The following GALNT2 variants were observed in gnomAD, a reference collection of about 807,000 sequenced individuals.
GALNT2 encodes polypeptide N-acetylgalactosaminyltransferase 2, also known as UDP-GalNAc:polypeptide N-acetylgalactosaminyltransferase 2.
GALNT2 carries 31 observed loss-of-function variants against 81.4 expected under a neutral mutation model. The observed-to-expected ratio is 0.38, with a 90% CI of 0.29 to 0.51. The LOEUF (loss-of-function observed/expected upper bound fraction) is 0.51. Among genes scored for constraint, GALNT2 ranks in the 20% least tolerant of loss-of-function variants. The pLI, the probability that GALNT2 is intolerant of heterozygous loss-of-function variation, is 0.87. For missense variants in GALNT2, 629 were observed against 765.7 expected, an observed-to-expected ratio of 0.82 and a Z score of 2.11; for synonymous variants, 303 against 287.4, an observed-to-expected ratio of 1.05 and a Z score of -0.55.
chr1:230,264,285 A>G (rs560416834), intron 13 of GALNT2: 22 of 152,332 alleles, frequency 1.4e-4, no homozygotes, highest in African/African-American at 5.3e-4. Flanking sequence ...TATACAACAG[A>G]TTCTTGACTG....
At chr1:230,099,107 G>A (rs769149487) in intron 1 of GALNT2, among the ~76,000 whole-genome samples, 1 of 152,206 alleles carries the variant, frequency 6.6e-6, no homozygotes, top group African/African-American at 2.4e-5. Context: ...GCCCTCCCTA[G>A]TCTCCTCTGT....
At chr1:230,181,014 T>A (rs1663141991) in intron 2 of GALNT2, among the ~76,000 whole-genome samples, 1 of 152,210 alleles carries the variant, frequency 6.6e-6, no homozygotes, top group Non-Finnish European at 1.5e-5. Context: ...GTTCATTGTT[T>A]CAGGTTTTCT....
At chr1:230,069,287 TTTTG>T (rs1213832910) in intron 1 of GALNT2, among the ~76,000 whole-genome samples, 3 of 151,994 alleles carry the variant, frequency 2.0e-5, no homozygotes, top group African/African-American at 4.8e-5. Context: ...TTTTGTTTTG[TTTTG>T]TTTTTTTTAA....
chr1:230,141,346 T>C (rs912029844), intron 1 of GALNT2, among the ~76,000 whole-genome samples: 1 of 152,240 alleles, frequency 6.6e-6, no homozygotes, highest in African/African-American at 2.4e-5. Context: ...TAAAATTTGC[T>C]GTCTTAACCA....
At chr1:230,220,427 G>C (rs1425058896) in intron 3 of GALNT2, among the ~76,000 whole-genome samples, 1 of 152,100 alleles carries the variant, frequency 6.6e-6, no homozygotes, top group Non-Finnish European at 1.5e-5. Flanking sequence ...CTATGCTGTA[G>C]ATGAGGGGAG....
At chr1:230,169,878 C>T (rs1039746192) in intron 1 of GALNT2, among the ~76,000 whole-genome samples, 1 of 152,156 alleles carries the variant, frequency 6.6e-6, no homozygotes, top group Non-Finnish European at 1.5e-5. Context: ...CTCATTTTCG[C>T]AGCATTGAGT....
intron 15 of GALNT2, among the ~76,000 whole-genome samples, chr1:230,276,624 C>T (rs1666314452): frequency 6.6e-6 from 1 of 152,202 alleles, no homozygotes; most frequent in East Asian, 1.9e-4. Flanking sequence ...GTCTCCAAAC[C>T]CCTGCGCCAG....
In GALNT2 at chr1:230,260,702, T is replaced by C. The variant is rs1665851734; in HGVS notation, c.1137-1871T>C. Among the ~76,000 whole-genome samples the C allele has an allele frequency of 4.6e-5, 7 of 152,352 alleles. No individual in the cohort carries two copies. In the South Asian group the frequency reaches 1.4e-3, roughly 32 times the overall value. On this transcript the variant is annotated intron_variant, in intron 11 of 15. Coordinates refer to ENST00000366672, the MANE Select transcript of GALNT2 (RefSeq NM_004481.5). ...TTAGCAAAACCCCACTAACAATGTT[T>C]AGTGGCTCTTCTGAGAAATGATATG...
At chr1:230,252,394 G>T (rs1665572138) in intron 10 of GALNT2, among the ~76,000 whole-genome samples, 1 of 152,146 alleles carries the variant, frequency 6.6e-6, no homozygotes, top group Non-Finnish European at 1.5e-5. Flanking sequence ...GGAGGACCAA[G>T]AACCTAACCC....
intron 1 of GALNT2, among the ~76,000 whole-genome samples, chr1:230,140,730 C>G (rs977193937): frequency 6.6e-6 from 1 of 152,224 alleles, no homozygotes; most frequent in Admixed American, 6.5e-5. Flanking sequence ...CTCCTCACCC[C>G]TCCCTTCCCC....
At chr1:230,235,213 C>CAAA (rs10532058) in intron 3 of GALNT2, among the ~76,000 whole-genome samples, 2 of 76,722 alleles carry the variant, frequency 2.6e-5, no homozygotes, top group Non-Finnish European at 5.0e-5. Flanking sequence ...GACCCTGTCT[C>CAAA]AAAAAAAAAA....
intron 1 of GALNT2, among the ~76,000 whole-genome samples, chr1:230,161,418 G>A (rs190768524): frequency 1.3e-3 from 203 of 152,348 alleles, no homozygotes; most frequent in Non-Finnish European, 2.4e-3. Context: ...ATTGGCCAAA[G>A]CAAATCACAT....
chr1:230,197,425 C>T (rs957972751), intron 2 of GALNT2, among the ~76,000 whole-genome samples: 5 of 152,112 alleles, frequency 3.3e-5, no homozygotes, highest in East Asian at 1.9e-4. Flanking sequence ...GCTTCCTGCT[C>T]GCCCCCCCGG....
rs77384785 is a variant in GALNT2, at chr1:230,206,342, T to C, written c.374+3052T>C. Among the ~76,000 whole-genome samples, 962 of 152,142 alleles carry C rather than the reference T, an allele frequency of 6.3e-3. 7 individuals are homozygous for C. Among genetic ancestry groups the C allele is most frequent in the Non-Finnish European group, 8.8e-3 (597 of 67,986 alleles). ...AGATGTTTGAATATTCATCCCACAGTGTGGGATGCATTTTAGGTGGGTTTA... is the reference window on the plus strand; with the variant it reads ...AGATGTTTGAATATTCATCCCACAGCGTGGGATGCATTTTAGGTGGGTTTA... On this transcript the variant is annotated intron_variant, in intron 3 of 15. Transcript: ENST00000366672.
Position 230,257,121 on chromosome 1 carries a change from G to A in GALNT2, c.1136+1777G>A, listed in dbSNP as rs547129483. ...GGGCAGAAGAGCTAGACAGGCCCGG[G>A]CCATGCACCTTTGCAGGTCATGGGA... On this transcript the variant is annotated intron_variant, in intron 11 of 15. Transcript: ENST00000366672. This position sits in a 1 kb window ranked among gnomAD's most constrained non-coding sequence, Gnocchi z 4.6. Among the ~76,000 whole-genome samples, 1 of 152,374 alleles carries A rather than the reference G, an allele frequency of 6.6e-6. No homozygotes were observed. The highest frequency in any genetic ancestry group is 2.1e-4 in the South Asian group (1 of 4,828).
chr1:230,190,369 C>T (rs1663482084), intron 2 of GALNT2, among the ~76,000 whole-genome samples: 1 of 152,218 alleles, frequency 6.6e-6, no homozygotes, highest in Non-Finnish European at 1.5e-5. Flanking sequence ...AAGACCCACG[C>T]ACTTGAAGCC....
At chr1:230,201,801 C>T (rs1663901162) in intron 2 of GALNT2, among the ~76,000 whole-genome samples, 1 of 152,154 alleles carries the variant, frequency 6.6e-6, no homozygotes, top group African/African-American at 2.4e-5. Context: ...CACTGCGGTG[C>T]CCTATTCTCC....
intron 3 of GALNT2, among the ~76,000 whole-genome samples, chr1:230,212,629 T>C (rs1184986059): frequency 2.0e-5 from 3 of 151,460 alleles, no homozygotes; most frequent in Non-Finnish European, 4.4e-5. Context: ...ATGTGGGGAG[T>C]GGGAAGTGGC....
chr1:230,177,171 T>C (rs1333038464), intron 1 of GALNT2, among the ~76,000 whole-genome samples: 1 of 152,222 alleles, frequency 6.6e-6, no homozygotes, highest in Non-Finnish European at 1.5e-5. Flanking sequence ...GGCCCTGAGG[T>C]TTACCCTTCT....
Sources: allele counts gnomAD v4.1 joint callset (sites outside exome capture counted in the v4.1 genomes callset), GRCh38; gene constraint gnomAD v4.1.1; non-coding constraint Gnocchi (gnomAD v3.1); transcripts MANE v1.5; gene names NCBI Gene and HGNC (gene_info 2026-07-23, HGNC 2026-07-21).